FOXP4: variants seen among roughly 807,000 people sequenced by gnomAD.
FOXP4 encodes forkhead box P4, also known as forkhead box protein P4.
A neutral mutation model predicts 82.6 loss-of-function variants in FOXP4; 25 were observed. The ratio of observed to expected loss-of-function variants is 0.30; its 90% CI spans 0.22 to 0.42. FOXP4 has a LOEUF of 0.42. FOXP4 is among the 10% of genes least tolerant of loss of function. The probability of loss-of-function intolerance (pLI) is 1.00; values close to 1 mark genes in which losing one functional copy is unlikely to be tolerated. For synonymous variants in FOXP4, 415 were observed against 388.2 expected (o/e 1.07, Z -0.81); for missense variants, 785 against 900.9 (o/e 0.87, Z 1.65).
At chr6:41,563,413 A>T (rs1581718608) in intron 1 of FOXP4, among the ~76,000 whole-genome samples, 2 of 152,324 alleles carry the variant, frequency 1.3e-5, no homozygotes, top group Non-Finnish European at 2.9e-5. Flanking sequence ...GAGAAATCAC[A>T]GTCCAGTCTC....
At chr6:41,574,921 C>G (rs1765390612) in intron 2 of FOXP4, among the ~76,000 whole-genome samples, 1 of 152,188 alleles carries the variant, frequency 6.6e-6, no homozygotes, top group Non-Finnish European at 1.5e-5. Context: ...ACCCCCACTT[C>G]AGGCTGACTA....
intron 15 of FOXP4, 112 bp downstream of exon 15, chr6:41,597,354 T>G: frequency 8.6e-7 from 1 of 1,157,596 alleles, no homozygotes; most frequent in Non-Finnish European, 1.3e-6. Flanking sequence ...GGAAGGAGGG[T>G]GAAGACCCAA....
intron 2 of FOXP4, among the ~76,000 whole-genome samples, chr6:41,572,089 C>T (rs1765230015): frequency 6.6e-6 from 1 of 152,168 alleles, no homozygotes. Context: ...AAATCATTGT[C>T]CCTGTGTAAT....
At chr6:41,560,501 A>C (rs1289745784) in intron 1 of FOXP4, among the ~76,000 whole-genome samples, 1 of 152,172 alleles carries the variant, frequency 6.6e-6, no homozygotes, top group South Asian at 2.1e-4. Context: ...CTCCCTTAAG[A>C]ACTGGGGCCT....
At chr6:41,586,702 G>A (rs781172348) in intron 5 of FOXP4, among the ~76,000 whole-genome samples, 3 of 152,230 alleles carry the variant, frequency 2.0e-5, no homozygotes, top group Non-Finnish European at 4.4e-5. Context: ...GCACAGCTGC[G>A]GTGCAGGGAG....
intron 3 of FOXP4, among the ~76,000 whole-genome samples, chr6:41,579,726 T>C (rs1288188010): frequency 6.6e-6 from 1 of 152,194 alleles, no homozygotes; most frequent in African/African-American, 2.4e-5. Flanking sequence ...AAAATGATGT[T>C]TTTCTCAGGC....
rs1467355852 is a variant in FOXP4 at position 41,589,759 on chromosome 6, C to T, written c.1066-12C>T. 5 of 1,609,658 alleles carry T rather than the reference C, an allele frequency of 3.1e-6. No homozygotes were observed. The highest frequency in any genetic ancestry group is 1.3e-5 in the African/African-American group (1 of 74,864). On this transcript the variant is annotated splice_polypyrimidine_tract_variant and intron_variant, in intron 9 of 16. Coordinates refer to ENST00000307972, the MANE Select transcript of FOXP4 (RefSeq NM_001012426.2). The stretch of plus-strand genomic sequence containing the variant: ...GCCTCCCGCTCACCTCCTGCTTTGC[C>T]ACCCTCCACAGCTCGCCAAGGAGAG...
chr6:41,551,832 G>A (rs1054984364), intron 1 of FOXP4, among the ~76,000 whole-genome samples: 5 of 152,118 alleles, frequency 3.3e-5, no homozygotes, highest in Admixed American at 6.6e-5. Flanking sequence ...TCCATCCTAC[G>A]AACACACTGT....
intron 2 of FOXP4, among the ~76,000 whole-genome samples, chr6:41,573,951 G>GA (rs1765337032): frequency 1.3e-5 from 2 of 152,168 alleles, no homozygotes; most frequent in African/African-American, 4.8e-5. Context: ...GTAGAAGGAG[G>GA]AAAAAAATGA....
intron 2 of FOXP4, among the ~76,000 whole-genome samples, chr6:41,569,789 A>G (rs577155520): frequency 4.0e-4 from 61 of 151,628 alleles, no homozygotes; most frequent in African/African-American, 1.5e-3. Context: ...GCGTCTGGGA[A>G]CTCCCACTGC....
chr6:41,557,536 C>T (rs753960890), intron 1 of FOXP4, among the ~76,000 whole-genome samples: 6 of 152,138 alleles, frequency 3.9e-5, no homozygotes, highest in Non-Finnish European at 8.8e-5. Flanking sequence ...CTGGAACATG[C>T]GGCCCATTCA....
At position 41,587,346 on chromosome 6, in the gene FOXP4, G is replaced by C. The variant is rs1470559319; in HGVS notation, c.706G>C (p.Ala236Pro). 1 of 1,611,036 alleles carries C rather than the reference G, an allele frequency of 6.2e-7. No individual in the cohort carries two copies. Among genetic ancestry groups the C allele is most frequent in the East Asian group, 2.2e-5 (1 of 44,842 alleles). ...DLPQLWKGEGAPGQPAEDSVK... is the reference protein window; with the variant it reads ...DLPQLWKGEGPPGQPAEDSVK... Reference sequence around the variant, plus strand: ...GCCCCAGCTGTGGAAGGGCGAGGGTGCCCCCGGGCAGCCTGCCGAGGACAG... The same window carrying C: ...GCCCCAGCTGTGGAAGGGCGAGGGTCCCCCCGGGCAGCCTGCCGAGGACAG... Residue 236 changes from alanine to proline, a missense_variant, in exon 7 of 17, where the codon GCC (alanine) becomes CCC (proline). Coordinates refer to ENST00000307972, the MANE Select transcript of FOXP4 (RefSeq NM_001012426.2).
At chr6:41,574,655 C>G (rs1562025922) in intron 2 of FOXP4, among the ~76,000 whole-genome samples, 1 of 152,146 alleles carries the variant, frequency 6.6e-6, no homozygotes. Flanking sequence ...GAAAGTGGGG[C>G]TGGGGATCTG....
At chr6:41,569,098 A>AGAGCCATATCACCTCCACGCT (rs1491504521) in intron 2 of FOXP4, among the ~76,000 whole-genome samples, 3 of 152,316 alleles carry the variant, frequency 2.0e-5, no homozygotes, top group African/African-American at 7.2e-5. Context: ...GGTGAGTGAC[A>AGAGCCATATCACCTCCACGCT]GAGCCATATC....
intron 12 of FOXP4, 50 bp downstream of exon 12, chr6:41,590,397 C>T (rs756273232): frequency 1.3e-6 from 2 of 1,571,416 alleles, no homozygotes; most frequent in South Asian, 1.2e-5. Flanking sequence ...CAGGCTGCTC[C>T]CCCAGCCCCC....
rs1390888864 is a variant in FOXP4, at chr6:41,600,913, C to G, written c.*1977C>G. On this transcript the variant is annotated 3_prime_UTR_variant, in exon 17 of 17. Transcript: ENST00000307972. The stretch of plus-strand genomic sequence containing the variant: ...AGAGTCCCAATCCTTTGCCCTAGTT[C>G]TTTCACTAGTTTGAAATCCAAGTTC... 2 of 152,268 alleles carry G rather than the reference C, an allele frequency of 1.3e-5. No individual in the cohort carries two copies. The highest frequency in any genetic ancestry group is 4.8e-5 in the African/African-American group (2 of 41,452). The allele number at this position is 152,268 out of a possible 1,614,324, so 9.4% of individuals were successfully genotyped here. A position where few individuals can be genotyped will look rare whatever the true frequency, so the allele number is the denominator to read the frequency against.
chr6:41,577,424 C>G (rs1286811935), intron 2 of FOXP4, among the ~76,000 whole-genome samples: 1 of 152,134 alleles, frequency 6.6e-6, no homozygotes, highest in African/African-American at 2.4e-5. Flanking sequence ...CCAGACTGAC[C>G]ACCCAGTAAG....
chr6:41,559,514 A>AG (rs927599016), intron 1 of FOXP4, among the ~76,000 whole-genome samples: 33 of 152,282 alleles, frequency 2.2e-4, no homozygotes, highest in African/African-American at 7.9e-4. Flanking sequence ...AGGTTTATCT[A>AG]GAAAAAAAAG....
intron 2 of FOXP4, among the ~76,000 whole-genome samples, chr6:41,568,309 G>A (rs921262412): frequency 1.3e-5 from 2 of 152,134 alleles, no homozygotes; most frequent in Non-Finnish European, 2.9e-5. Context: ...CCTGCAAGGT[G>A]GATATTATTA....
Sources: allele counts gnomAD v4.1 joint callset (sites outside exome capture counted in the v4.1 genomes callset), GRCh38; gene constraint gnomAD v4.1.1; transcripts MANE v1.5; gene names NCBI Gene and HGNC (gene_info 2026-07-23, HGNC 2026-07-21).